The following CADPS2 variants were observed in gnomAD, a reference collection of about 807,000 sequenced individuals.
CADPS2 encodes the protein calcium dependent secretion activator 2.
CADPS2 carries 93 observed loss-of-function variants against 172.5 expected under a neutral mutation model. The ratio of observed to expected loss-of-function variants is 0.54; its 90% CI spans 0.46 to 0.64. The LOEUF is 0.64. Among genes scored for constraint, CADPS2 ranks in the 30% least tolerant of loss-of-function variants. CADPS2 has a pLI of 0.00. For missense variants in CADPS2, 1,420 were observed against 1,565.9 expected, an observed-to-expected ratio of 0.91 and a Z score of 1.57; for synonymous variants, 546 against 555.2, an observed-to-expected ratio of 0.98 and a Z score of 0.23.
chr7:122,656,281 G>A (rs913315295), intron 3 of CADPS2, among the ~76,000 whole-genome samples: 3 of 152,112 alleles, frequency 2.0e-5, no homozygotes, highest in Non-Finnish European at 2.9e-5. Context: ...AAAAAAGGGG[G>A]AGAAAGCCAT....
chr7:122,563,496 G>A (rs2066011594), intron 7 of CADPS2, among the ~76,000 whole-genome samples: 1 of 152,024 alleles, frequency 6.6e-6, no homozygotes, highest in African/African-American at 2.4e-5. Flanking sequence ...TAAATATCTA[G>A]AGGCAAATCA....
intron 6 of CADPS2, among the ~76,000 whole-genome samples, chr7:122,610,710 A>G (rs891758551): frequency 2.6e-5 from 4 of 152,142 alleles, no homozygotes; most frequent in African/African-American, 7.2e-5. Context: ...AAAACAGAGA[A>G]GATTATGTGG....
Position 122,319,983 on chromosome 7 carries a change from CA to C in CADPS2, c.*181del, listed in dbSNP as rs1197018478. ...CAAACAAACAAACAAAAAAAGGAAA[CA>C]AAAAAACCCCAAAATCTTGGCATTT... On this transcript the variant is annotated 3_prime_UTR_variant, in exon 30 of 30. Coordinates refer to ENST00000449022, the MANE Select transcript of CADPS2 (RefSeq NM_017954.11). The C allele has an allele frequency of 2.2e-5, 12 of 546,168 alleles. No individual in the cohort carries two copies. Among genetic ancestry groups the C allele is most frequent in the African/African-American group, 3.9e-5 (2 of 50,920 alleles). 33.8% of individuals were successfully genotyped at this position (546,168 alleles called of 1,614,324 possible).
At chr7:122,367,652 T>C (rs1457827482) in intron 25 of CADPS2, among the ~76,000 whole-genome samples, 1 of 150,088 alleles carries the variant, frequency 6.7e-6, no homozygotes, top group Admixed American at 6.7e-5. Context: ...GCAAGTGTTC[T>C]TGTGCCTCGG....
At chr7:122,568,451 A>T (rs994322123) in intron 7 of CADPS2, among the ~76,000 whole-genome samples, 3 of 152,162 alleles carry the variant, frequency 2.0e-5, no homozygotes, top group African/African-American at 7.2e-5. Context: ...TAAAACAAAT[A>T]CAAAACTATA....
Position 122,542,774 on chromosome 7 carries a change from C to T in CADPS2, c.1475+11776G>A, listed in dbSNP as rs1358878992. On this transcript the variant is annotated intron_variant, in intron 8 of 29. Transcript: ENST00000449022. ...CATCAGTCTAGAATCTCTCTGATCA[C>T]TCCGGTTTTATCATCTTCCCTTTTA... 2.0e-5 allele frequency among the ~76,000 whole-genome samples: 3 copies of T among 151,996 alleles called. No homozygotes were observed. In the East Asian group the frequency reaches 5.8e-4, roughly 29 times the overall value.
At chr7:122,759,360 G>C (rs1408344214) in intron 1 of CADPS2, among the ~76,000 whole-genome samples, 1 of 152,164 alleles carries the variant, frequency 6.6e-6, no homozygotes, top group African/African-American at 2.4e-5. Flanking sequence ...AAAGACACAA[G>C]ACAAGGGGTG....
At chr7:122,480,606 G>A (rs2057172628) in intron 12 of CADPS2, among the ~76,000 whole-genome samples, 1 of 151,974 alleles carries the variant, frequency 6.6e-6, no homozygotes, top group African/African-American at 2.4e-5. Context: ...TGTTTTGCAC[G>A]TTATTACAAC....
At chr7:122,407,061 G>A (rs1258930243) in intron 20 of CADPS2, among the ~76,000 whole-genome samples, 1 of 152,194 alleles carries the variant, frequency 6.6e-6, no homozygotes, top group Non-Finnish European at 1.5e-5. Context: ...GAATGAGCAA[G>A]TCATACCACA....
chr7:122,698,120 C>A lies in CADPS2; in HGVS notation c.454-34551G>T, dbSNP rs533755894. ...TTACAAGTCAGAATACGAACTATGT[C>A]ATTAGGCTTATAGCGTTCAAAGCAA... On this transcript the variant is annotated intron_variant, in intron 2 of 29. Coordinates refer to ENST00000449022, the MANE Select transcript of CADPS2 (RefSeq NM_017954.11). The A allele has an allele frequency of 2.5e-6, 4 of 1,613,934 alleles. No homozygotes were observed. The African/African-American group carries it at 4.0e-5, about 16-fold the overall frequency.
At chr7:122,350,983 A>G (rs1250723487) in intron 27 of CADPS2, among the ~76,000 whole-genome samples, 1 of 152,022 alleles carries the variant, frequency 6.6e-6, no homozygotes, top group African/African-American at 2.4e-5. Context: ...AAAAAGGGGC[A>G]GAGAGGAAGA....
intron 25 of CADPS2, among the ~76,000 whole-genome samples, chr7:122,374,595 GA>G (rs1156818113): frequency 2.0e-5 from 3 of 151,838 alleles, no homozygotes; most frequent in African/African-American, 4.8e-5. Flanking sequence ...TAAAGTTGCA[GA>G]AAAAAAATCA....
chr7:122,451,312 G>T, intron 15 of CADPS2, 62 bp downstream of exon 15: 1 of 804,132 alleles, frequency 1.2e-6, no homozygotes, highest in Non-Finnish European at 1.8e-6. Flanking sequence ...ACAATTTTTG[G>T]GGGAAGTAAG....
chr7:122,567,620 A>T (rs2066635885), intron 7 of CADPS2, among the ~76,000 whole-genome samples: 1 of 152,234 alleles, frequency 6.6e-6, no homozygotes. Flanking sequence ...ATGTAAAAAC[A>T]ATGTAGTGTG....
intron 28 of CADPS2, among the ~76,000 whole-genome samples, chr7:122,328,790 G>A (rs532472167): frequency 6.6e-6 from 1 of 152,102 alleles, no homozygotes; most frequent in Non-Finnish European, 1.5e-5. Context: ...CACTTATTGT[G>A]CATGACTGTA....
chr7:122,359,153 C>T (rs1270237981), intron 27 of CADPS2, among the ~76,000 whole-genome samples: 1 of 151,994 alleles, frequency 6.6e-6, no homozygotes, highest in Non-Finnish European at 1.5e-5. Context: ...GTTCCTCAGA[C>T]AACATATGCC....
chr7:122,721,741 A>G (rs1034358362), intron 2 of CADPS2, among the ~76,000 whole-genome samples: 3 of 152,144 alleles, frequency 2.0e-5, no homozygotes, highest in East Asian at 3.9e-4. Context: ...AACAAAAAAA[A>G]AGAGAATTTT....
intron 8 of CADPS2, among the ~76,000 whole-genome samples, chr7:122,534,860 G>A (rs950265877): frequency 2.0e-5 from 3 of 152,006 alleles, no homozygotes; most frequent in Non-Finnish European, 2.9e-5. Flanking sequence ...AGCAAATACA[G>A]TTTCTGAGTA....
At chr7:122,611,794 T>C (rs967152259) in intron 6 of CADPS2, among the ~76,000 whole-genome samples, 3 of 151,966 alleles carry the variant, frequency 2.0e-5, no homozygotes, top group South Asian at 2.1e-4. Flanking sequence ...CTTATGAATA[T>C]AGAGGCCAAA....
Sources: gnomAD v4.1 joint callset for allele counts (sites outside exome capture counted in the v4.1 genomes callset) on GRCh38, gnomAD v4.1.1 for gene constraint, MANE v1.5 for transcripts, NCBI Gene and HGNC (gene_info 2026-07-23, HGNC 2026-07-21) for gene names.